The following YJEFN3 variants were observed in gnomAD, a reference collection of about 807,000 sequenced individuals.
YJEFN3 encodes the protein YjeF N-terminal domain containing 3.
YJEFN3 carries 29 observed loss-of-function variants against 31.5 expected under a neutral mutation model. The ratio of observed to expected loss-of-function variants is 0.92; its 90% confidence interval spans 0.69 to 1.26. YJEFN3 has a LOEUF of 1.26. Among genes scored for constraint, YJEFN3 ranks in the 50% most tolerant of loss-of-function variants. The pLI is 0.00. For synonymous variants in YJEFN3, 227 were observed against 196.1 expected, an observed-to-expected ratio of 1.16 and a Z score of -1.32; for missense variants, 442 against 425.4, an observed-to-expected ratio of 1.04 and a Z score of -0.34.
rs887973374 is a variant in YJEFN3 at position 19,533,017 on chromosome 19, C to G, written c.318+277C>G. ...TGCAACCCCTCCTGCACATGTGACC[C>G]GCCTGCTTCTGCCACCTCCTGGGTC... On this transcript the variant is annotated intron_variant, in intron 3 of 6. Transcript: ENST00000514277. 27 of 1,216,456 alleles carry G rather than the reference C, an allele frequency of 2.2e-5. No individual in the cohort carries two copies. In the African/African-American group the frequency reaches 4.1e-4, roughly 18 times the overall value. 75.4% of individuals were successfully genotyped at this position (1,216,456 alleles called of 1,614,324 possible).
chr19:19,531,718 C>CTTTTTTTTTT lies in YJEFN3; in HGVS notation c.210-893_210-884dup, dbSNP rs56747140. ...GCCACATTTTCTGGCAACAAATAAC[C>CTTTTTTTTTT]TTTTTTTTTTTTTTTTTTTTTTTTT... On this transcript the variant is annotated intron_variant, in intron 2 of 6. Transcript: ENST00000514277. Among the ~76,000 whole-genome samples the CTTTTTTTTTT allele has an allele frequency of 4.4e-4, 33 of 75,862 alleles. 2 individuals are homozygous for CTTTTTTTTTT. The highest frequency in any genetic ancestry group is 2.5e-3 in the African/African-American group (33 of 13,250). The allele number at this position is 75,862 out of a possible 152,430, so 49.8% of individuals were successfully genotyped here. A position where few individuals can be genotyped will look rare whatever the true frequency, so the allele number is the denominator to read the frequency against.
In YJEFN3 at chr19:19,532,711, G is replaced by T; in HGVS notation, c.289G>T (p.Gly97Cys). The change falls in exon 3 of 7, where the codon GGT becomes TGT. Residue 97 changes from glycine to cysteine, a missense_variant. Transcript: ENST00000514277. ...GCGGCAGCAGCTCGTGGAGCTGTGC[G>T]GTCATGCTAGTGCCGTGGCTGTGAC... ...FGRQQLVELC[G>C]HASAVAVTKA... The T allele has an allele frequency of 6.4e-7, 1 of 1,574,472 alleles. No homozygotes were observed.
chr19:19,532,553 G>A, intron 2 of YJEFN3, 79 bp from the exon 3 acceptor site: 1 of 1,028,050 alleles, frequency 9.7e-7, no homozygotes, highest in Non-Finnish European at 1.4e-6. Flanking sequence ...GGGTTCAGAA[G>A]CTTGGCGGAA....
rs76221430 is a variant in YJEFN3, at chr19:19,529,728, C to T, written c.209+215C>T. ...GGGAAGAGTGTTTTAGGAGCTGTGA[C>T]TTCACCTTGGGGTGAAGGGGTGAGG... On this transcript the variant is annotated intron_variant, in intron 2 of 6. Coordinates refer to ENST00000514277, the MANE Select transcript of YJEFN3 (RefSeq NM_198537.4). Among the ~76,000 whole-genome samples the T allele has an allele frequency of 1.0e-3, 156 of 152,166 alleles. 3 individuals are homozygous for T. In the East Asian group the frequency reaches 0.028, roughly 28 times the overall value.
intron 2 of YJEFN3, 51 bp downstream of exon 2, chr19:19,529,564 C>A: frequency 6.3e-7 from 1 of 1,590,896 alleles, no homozygotes; most frequent in East Asian, 2.2e-5. Context: ...ACTCTCACCT[C>A]ATCCTCCTCA....
chr19:19,533,873 C>T, intron 3 of YJEFN3: 1 of 985,530 alleles, frequency 1.0e-6, no homozygotes, highest in Non-Finnish European at 1.2e-6. Flanking sequence ...TCCAGAAGCC[C>T]CTCAGTCCCA....
At chr19:19,532,136 A>G (rs1456953916) in intron 2 of YJEFN3, among the ~76,000 whole-genome samples, 1 of 152,180 alleles carries the variant, frequency 6.6e-6, no homozygotes, top group Non-Finnish European at 1.5e-5. Flanking sequence ...TGAGTGTGCC[A>G]TCAAACACTG....
chr19:19,533,333 A>AC (rs2061176413), intron 3 of YJEFN3: 1 of 985,562 alleles, frequency 1.0e-6, no homozygotes, highest in Non-Finnish European at 1.2e-6. Flanking sequence ...AATGGTACTG[A>AC]CGAGTCAGTC....
rs867262773 is a variant in YJEFN3, at chr19:19,534,131, A to C, written c.319-903A>C. 4.1e-6 allele frequency: 4 copies of C among 985,672 alleles called. No homozygotes were observed. Among genetic ancestry groups the C allele is most frequent in the South Asian group, 4.7e-5 (1 of 21,304 alleles). 61.1% of individuals were successfully genotyped at this position (985,672 alleles called of 1,614,324 possible). ...AGAGAAGGGGCTGGGGCCACGCAGA[A>C]TCAGGGCAGGGCTGGGGCCAAAATG... On this transcript the variant is annotated intron_variant, in intron 3 of 6. Coordinates refer to ENST00000514277, the MANE Select transcript of YJEFN3 (RefSeq NM_198537.4). This position sits in a 1 kb window ranked among gnomAD's most constrained non-coding sequence, Gnocchi z 4.6.
intron 3 of YJEFN3, among the ~76,000 whole-genome samples, 166 bp downstream of exon 3, chr19:19,532,906 G>A (rs8101219): frequency 0.15 from 23,571 of 152,144 alleles, 1,943 homozygotes; most frequent in Middle Eastern, 0.28. Context: ...CATGGCTGGT[G>A]CAGGCCAGAT....
Position 19,537,523 on chromosome 19 carries a change from G to A in YJEFN3, c.899G>A (p.Ter300=), listed in dbSNP as rs1260097877. 1 of 1,555,014 alleles carries A rather than the reference G, an allele frequency of 6.4e-7. No individual in the cohort carries two copies. The highest frequency in any genetic ancestry group is 8.7e-7 in the Non-Finnish European group (1 of 1,152,486). ...YTGTDCVAAL[*] is the part of the protein sequence containing the mutation. ...GGCACCGACTGCGTCGCGGCACTGT[G>A]ACCGCCACCCGCGGCCACACCGCAG... The change falls in exon 7 of 7, where the codon TGA becomes TAA. Residue 300 remains the stop codon, a stop_retained_variant. Coordinates refer to ENST00000514277, the MANE Select transcript of YJEFN3 (RefSeq NM_198537.4).
intron 6 of YJEFN3, chr19:19,535,972 G>A (rs2061205596): frequency 8.8e-6 from 5 of 568,264 alleles, no homozygotes; most frequent in Non-Finnish European, 1.5e-5. Flanking sequence ...GGCAAAGGCC[G>A]CGCCCGCCCT....
chr19:19,529,541 C>T lies in YJEFN3; in HGVS notation c.209+28C>T, dbSNP rs567614984. The T allele has an allele frequency of 3.6e-4, 581 of 1,605,120 alleles. 4 individuals are homozygous for T. In the South Asian group the frequency reaches 6.0e-3, roughly 17 times the overall value. The stretch of plus-strand genomic sequence containing the variant: ...TGGTGAGTTTGGGATCTAGAACTGG[C>T]GCCGTGGCTGTGACTCTCACCTCAT... On this transcript the variant is annotated intron_variant, in intron 2 of 6. Coordinates refer to ENST00000514277, the MANE Select transcript of YJEFN3 (RefSeq NM_198537.4).
In YJEFN3 at chr19:19,532,634, C is replaced by T. The variant is rs2061168952; in HGVS notation, c.212C>T (p.Thr71Ile). 2 of 1,548,210 alleles carry T rather than the reference C, an allele frequency of 1.3e-6. No individual in the cohort carries two copies. The change falls in exon 3 of 7, where the codon ACC becomes ATC. Residue 71 changes from threonine (T) to isoleucine (I), a missense_variant and splice_region_variant. By Grantham distance (89) the Thr-to-Ile change is moderately conservative. Coordinates refer to ENST00000514277, the MANE Select transcript of YJEFN3 (RefSeq NM_198537.4). ...GTCCCATCCCACTCTGTCCCCAGCA[C>T]CGCGGAGGCAGCCGCCCTGGAGCGG... ...IWNAGPVCQS[T>I]AEAAALEREL...
Position 19,535,453 on chromosome 19 carries a change from C to G in YJEFN3, c.543+3C>G. On this transcript the variant is annotated splice_donor_region_variant and intron_variant, in intron 5 of 6. Coordinates refer to ENST00000514277, the MANE Select transcript of YJEFN3 (RefSeq NM_198537.4). ...TCCTGAGCTACCTGCCCACTGAGGTCAGCGCTGGGTGGCAAGCAAGGGGGA... is the reference window on the plus strand; with the variant it reads ...TCCTGAGCTACCTGCCCACTGAGGTGAGCGCTGGGTGGCAAGCAAGGGGGA... The G allele has an allele frequency of 1.2e-6, 2 of 1,613,918 alleles. No individual in the cohort carries two copies. The highest frequency in any genetic ancestry group is 1.7e-6 in the Non-Finnish European group (2 of 1,179,926).
Position 19,534,801 on chromosome 19 carries a change from C to T in YJEFN3, c.319-233C>T, listed in dbSNP as rs114078221. On this transcript the variant is annotated intron_variant, in intron 3 of 6. Transcript: ENST00000514277. This position sits in a 1 kb window ranked among gnomAD's most constrained non-coding sequence, Gnocchi z 4.6. ...GGGCGACGGGCAGTGGCTGGATGCA[C>T]GTTTTTCCTGCACCGACCTGGCAGA... The T allele has an allele frequency of 6.2e-3, 2,436 of 395,768 alleles. 61 individuals carry two copies. The highest frequency in any genetic ancestry group is 0.045 in the African/African-American group (2,202 of 48,648). 24.5% of individuals were successfully genotyped at this position (395,768 alleles called of 1,614,324 possible).
At chr19:19,531,841 C>T (rs905063836) in intron 2 of YJEFN3, among the ~76,000 whole-genome samples, 5 of 145,888 alleles carry the variant, frequency 3.4e-5, no homozygotes, top group Non-Finnish European at 7.4e-5. Context: ...AAGCGATTCT[C>T]CAGGTTCAAG....
chr19:19,535,275 G>A (rs2061196742), intron 4 of YJEFN3, 62 bp from the exon 5 acceptor site: 13 of 1,557,372 alleles, frequency 8.3e-6, no homozygotes, highest in Non-Finnish European at 1.1e-5. Context: ...GCTTGTCCCA[G>A]GCAGGGTCTG....
intron 2 of YJEFN3, among the ~76,000 whole-genome samples, chr19:19,529,886 G>A (rs959231348): frequency 5.3e-5 from 8 of 152,196 alleles, no homozygotes; most frequent in Non-Finnish European, 1.0e-4. Flanking sequence ...TGAGGAGTTT[G>A]GAGTTTGAAT....
Sources: gnomAD v4.1 joint callset for allele counts (sites outside exome capture counted in the v4.1 genomes callset) on GRCh38, gnomAD v4.1.1 for gene constraint, Gnocchi (gnomAD v3.1) non-coding constraint, MANE v1.5 for transcripts, NCBI Gene and HGNC (gene_info 2026-07-23, HGNC 2026-07-21) for gene names.